The following CNTN2 variants were observed in gnomAD, a reference collection of about 807,000 sequenced individuals.
CNTN2 encodes the protein contactin 2.
In CNTN2, 53 loss-of-function variants were observed where a neutral mutation model predicts 117.5. The ratio of observed to expected loss-of-function variants is 0.45; its 90% CI spans 0.36 to 0.57. The LOEUF (loss-of-function observed/expected upper bound fraction) is 0.57, where lower values mean the gene tolerates loss of function less well. Among genes scored for constraint, CNTN2 ranks in the 20% least tolerant of loss-of-function variants. The pLI is 0.00. For synonymous variants in CNTN2, 530 were observed against 561.7 expected (o/e 0.94, Z 0.80); for missense variants, 1,106 against 1,404.3 (o/e 0.79, Z 3.39).
At chr1:205,069,727 C>T in intron 17 of CNTN2, 100 bp from the exon 18 acceptor site, 2 of 1,439,592 alleles carry the variant, frequency 1.4e-6, no homozygotes, top group Non-Finnish European at 1.9e-6. Flanking sequence ...CAGGCGTAGG[C>T]GTCCAGGGCC....
chr1:205,072,431 CG>C, intron 20 of CNTN2, 51 bp from the exon 21 acceptor site: 1 of 1,479,502 alleles, frequency 6.8e-7, no homozygotes. Flanking sequence ...TGAGGGGGTG[CG>C]GGGTGCCAGG....
Position 205,064,547 on chromosome 1 carries a change from C to T in CNTN2, c.1391+75C>T. The T allele has an allele frequency of 3.1e-6, 5 of 1,597,370 alleles. No homozygotes were observed. The East Asian group carries it at 1.1e-4, about 36-fold the overall frequency. On this transcript the variant is annotated intron_variant, in intron 11 of 22. Coordinates refer to ENST00000331830, the MANE Select transcript of CNTN2 (RefSeq NM_005076.5). ...ATGGAGGCCAATTCCCCTCCTGTGA[C>T]AACAGTCACAGGAGTTGGCCAGCCC... is the stretch of plus-strand genomic sequence containing the variant.
At chr1:205,045,831 G>T (rs571824721) in intron 1 of CNTN2, among the ~76,000 whole-genome samples, 1 of 152,184 alleles carries the variant, frequency 6.6e-6, no homozygotes, top group African/African-American at 2.4e-5. Flanking sequence ...CCTTTCAGAT[G>T]ACTCTAAGGA....
intron 2 of CNTN2, among the ~76,000 whole-genome samples, chr1:205,055,661 G>T (rs1248637361): frequency 3.9e-5 from 6 of 152,198 alleles, no homozygotes; most frequent in Non-Finnish European, 8.8e-5. Flanking sequence ...GAGGTCAAGA[G>T]TCAGGAACAG....
chr1:205,072,733 G>A, intron 21 of CNTN2, 138 bp downstream of exon 21: 1 of 710,244 alleles, frequency 1.4e-6, no homozygotes, highest in African/African-American at 1.8e-5. Context: ...TGAGAGGAAT[G>A]AAATTCATGA....
chr1:205,050,841 ACTCCTGAC>A (rs1421991916), intron 1 of CNTN2, among the ~76,000 whole-genome samples: 1 of 151,938 alleles, frequency 6.6e-6, no homozygotes, highest in Non-Finnish European at 1.5e-5. Context: ...CTGATCTCGA[ACTCCTGAC>A]CTCAGGTGAT....
Position 205,061,544 on chromosome 1 carries a change from T to A in CNTN2, c.973+124T>A. 1.7e-6 allele frequency: 2 copies of A among 1,196,384 alleles called. No individual in the cohort carries two copies. Among genetic ancestry groups the A allele is most frequent in the Non-Finnish European group, 1.2e-6 (1 of 869,492 alleles). The allele number at this position is 1,196,384 out of a possible 1,614,324, so 74.1% of individuals were successfully genotyped here. Reference sequence around the variant, plus strand: ...GGGAGGCCCCCTGCATGAGCCTGCTTGCCCTAGGACTGCACTGAGTCTGGG... The same window carrying A: ...GGGAGGCCCCCTGCATGAGCCTGCTAGCCCTAGGACTGCACTGAGTCTGGG... On this transcript the variant is annotated intron_variant, in intron 8 of 22. Coordinates refer to ENST00000331830, the MANE Select transcript of CNTN2 (RefSeq NM_005076.5). This position sits in a 1 kb window ranked among gnomAD's most constrained non-coding sequence, Gnocchi z 4.8.
In CNTN2 at chr1:205,072,546, G is replaced by T. The variant is rs1654651437; in HGVS notation, c.2795G>T (p.Trp932Leu). 6.2e-7 allele frequency: 1 copy of T among 1,614,058 alleles called. No homozygotes were observed. The change falls in exon 21 of 23, where the codon TGG becomes TTG. Residue 932 changes from tryptophan (W) to leucine (L), a missense_variant. Coordinates refer to ENST00000331830, the MANE Select transcript of CNTN2 (RefSeq NM_005076.5). Reference protein sequence around the residue: ...TFSSSSLSIKWDPVVPFRNES... With the variant: ...TFSSSSLSIKLDPVVPFRNES... ...TCAAGCTCTAGTCTTAGCATTAAGT[G>T]GGACCCTGTGGTCCCTTTCCGAAAT...
chr1:205,072,799 T>C, intron 21 of CNTN2: 1 of 651,656 alleles, frequency 1.5e-6, no homozygotes, highest in South Asian at 1.8e-5. Context: ...ATGGTATCAC[T>C]GCAGAAAGGC....
chr1:205,066,255 C>T (rs1476855738), intron 14 of CNTN2, 186 bp from the exon 15 acceptor site: 3 of 670,226 alleles, frequency 4.5e-6, no homozygotes, highest in East Asian at 2.8e-5. Flanking sequence ...CATCCCTCCA[C>T]CCAACAACTG....
Position 205,070,071 on chromosome 1 carries a change from C to G in CNTN2, c.2431+10C>G, listed in dbSNP as rs757425750. The G allele has an allele frequency of 6.2e-7, 1 of 1,611,654 alleles. No individual in the cohort carries two copies. Among genetic ancestry groups the G allele is most frequent in the South Asian group, 1.1e-5 (1 of 90,998 alleles). ...TACTCAGCTGAGGAAGGTGGGCTGC[C>G]CCTGGGCCCCCTGCTCGTCCCTACC... On this transcript the variant is annotated intron_variant, in intron 18 of 22. Coordinates refer to ENST00000331830, the MANE Select transcript of CNTN2 (RefSeq NM_005076.5).
chr1:205,069,822 C>T lies in CNTN2; in HGVS notation c.2197-5C>T, dbSNP rs1256100063. On this transcript the variant is annotated splice_region_variant and splice_polypyrimidine_tract_variant and intron_variant, in intron 17 of 22. Coordinates refer to ENST00000331830, the MANE Select transcript of CNTN2 (RefSeq NM_005076.5). ...CCTCGCCCATGCCATGCTCTTGCCC[C>T]TCAGCCCATGTCACGGGAGTACCAG... 1 of 1,612,236 alleles carries T rather than the reference C, an allele frequency of 6.2e-7. No individual in the cohort carries two copies. Among genetic ancestry groups the T allele is most frequent in the South Asian group, 1.1e-5 (1 of 91,046 alleles).
In CNTN2 at chr1:205,061,238, C is replaced by T. The variant is rs370112583; in HGVS notation, c.798-7C>T. On this transcript the variant is annotated splice_region_variant and splice_polypyrimidine_tract_variant and intron_variant, in intron 7 of 22. Transcript: ENST00000331830. This position sits in a 1 kb window ranked among gnomAD's most constrained non-coding sequence, Gnocchi z 4.8. ...CCCACACCCTCTGGCTTTGTCTCTC[C>T]TGCCAGCCCTGTCCCCCGGATCAAG... The T allele has an allele frequency of 1.2e-6, 2 of 1,600,666 alleles. No individual in the cohort carries two copies. The highest frequency in any genetic ancestry group is 2.7e-5 in the African/African-American group (2 of 74,690).
chr1:205,065,190 C>T lies in CNTN2; in HGVS notation c.1623C>T (p.Thr541=). 6.2e-7 allele frequency: 1 copy of T among 1,614,180 alleles called. No homozygotes were observed. Among genetic ancestry groups the T allele is most frequent in the Non-Finnish European group, 8.5e-7 (1 of 1,180,038 alleles). ...HASHDPTMDL[T]FTWTLDDFPI... ...CCCACGACCCCACCATGGACCTCAC[C>T]TTCACCTGGACCCTGGACGACTTCC... Residue 541 remains threonine (T), a synonymous_variant, in exon 13 of 23, where the codon ACC becomes ACT. Transcript: ENST00000331830. The surrounding 1 kb of genome is among the most constrained non-coding windows in gnomAD (Gnocchi z 4.1).
At chr1:205,055,608 CT>C (rs2096459723) in intron 2 of CNTN2, among the ~76,000 whole-genome samples, 1 of 152,182 alleles carries the variant, frequency 6.6e-6, no homozygotes, top group Non-Finnish European at 1.5e-5. Flanking sequence ...GACTCCTTAT[CT>C]GTGAGATGGA....
At position 205,062,544 on chromosome 1, in the gene CNTN2, C is replaced by T. The variant is rs764907069; in HGVS notation, c.1215C>T (p.Tyr405=). 112 of 1,613,698 alleles carry T rather than the reference C, an allele frequency of 6.9e-5. No individual in the cohort carries two copies. The highest frequency in any genetic ancestry group is 3.1e-4 in the East Asian group (14 of 44,878). Residue 405 remains tyrosine, a synonymous_variant, in exon 10 of 23, where the codon TAC becomes TAT. Coordinates refer to ENST00000331830, the MANE Select transcript of CNTN2 (RefSeq NM_005076.5). ...CAGAGAATAAGCACGGTACCATCTA[C>T]GCCAGCGCCGAGCTAGCCGTGCAAG... is the stretch of plus-strand genomic sequence containing the variant. ...CVAENKHGTI[Y]ASAELAVQAL...
At position 205,061,738 on chromosome 1, in the gene CNTN2, A is replaced by G. The variant is rs1340584609; in HGVS notation, c.974-127A>G. ...CGGCCCCCTCCTCTTTGTCCTCTCC[A>G]TCTCAGAATGCTCATGGCGCCCTCT... On this transcript the variant is annotated intron_variant, in intron 8 of 22. Coordinates refer to ENST00000331830, the MANE Select transcript of CNTN2 (RefSeq NM_005076.5). This position sits in a 1 kb window ranked among gnomAD's most constrained non-coding sequence, Gnocchi z 4.8. 4.8e-6 allele frequency: 6 copies of G among 1,250,526 alleles called. No individual in the cohort carries two copies. The highest frequency in any genetic ancestry group is 1.5e-5 in the African/African-American group (1 of 65,506). 77.5% of individuals were successfully genotyped at this position (1,250,526 alleles called of 1,614,324 possible). A position where few individuals can be genotyped will look rare whatever the true frequency, so the allele number is the denominator to read the frequency against.
intron 1 of CNTN2, among the ~76,000 whole-genome samples, chr1:205,049,411 G>T (rs1224695859): frequency 6.6e-6 from 1 of 150,380 alleles, no homozygotes; most frequent in Non-Finnish European, 1.5e-5. Context: ...ATACATATAT[G>T]TATATCACAC....
rs1446675888 is a variant in CNTN2 at position 205,062,696 on chromosome 1, A to G, written c.1240+127A>G. On this transcript the variant is annotated intron_variant, in intron 10 of 22. Transcript: ENST00000331830. ...TGGCCATTTTCCTTGGTTTTCCAAC[A>G]GTTTCTAAGTAGGAGAACTCAGAGA... 4 of 1,100,928 alleles carry G rather than the reference A, an allele frequency of 3.6e-6. No individual in the cohort carries two copies. The African/African-American group carries it at 4.8e-5, about 13-fold the overall frequency. 68.2% of individuals were successfully genotyped at this position (1,100,928 alleles called of 1,614,324 possible). A position where few individuals can be genotyped will look rare whatever the true frequency, so the allele number is the denominator to read the frequency against.
Sources: gnomAD v4.1 joint callset for allele counts (sites outside exome capture counted in the v4.1 genomes callset) on GRCh38, gnomAD v4.1.1 for gene constraint, Gnocchi (gnomAD v3.1) non-coding constraint, MANE v1.5 for transcripts, NCBI Gene and HGNC (gene_info 2026-07-23, HGNC 2026-07-21) for gene names.